The following FBXO9 variants were observed in gnomAD, a reference collection of about 807,000 sequenced individuals.
The protein encoded by FBXO9 is F-box protein 9.
FBXO9 carries 43 observed loss-of-function variants against 63.7 expected under a neutral mutation model. That is an observed-to-expected ratio of 0.67 (90% confidence interval 0.53 to 0.87). FBXO9 has a LOEUF of 0.87. Ranked by LOEUF, FBXO9 falls within the 40% of genes least tolerant of loss-of-function variation. The probability of loss-of-function intolerance (pLI) is 0.00; values close to 1 mark genes in which losing one functional copy is unlikely to be tolerated. For synonymous variants in FBXO9, 156 were observed against 171.7 expected (o/e 0.91, Z 0.72); for missense variants, 442 against 533.2 (o/e 0.83, Z 1.68).
At chr6:53,077,627 GATA>G (rs1036822655) in intron 4 of FBXO9, among the ~76,000 whole-genome samples, 1 of 152,074 alleles carries the variant, frequency 6.6e-6, no homozygotes, top group Non-Finnish European at 1.5e-5. Flanking sequence ...TGATAGTAAA[GATA>G]ATAATTGATG....
intron 3 of FBXO9, among the ~76,000 whole-genome samples, chr6:53,074,024 T>C (rs1353851911): frequency 6.6e-6 from 1 of 152,252 alleles, no homozygotes; most frequent in African/African-American, 2.4e-5. Context: ...CACATGTTAA[T>C]GTCTTTCCAG....
chr6:53,080,841 T>C, intron 5 of FBXO9, 127 bp from the exon 6 acceptor site: 1 of 920,006 alleles, frequency 1.1e-6, no homozygotes, highest in Non-Finnish European at 1.6e-6. Context: ...TTTAAAAATG[T>C]ATCACATGTT....
intron 3 of FBXO9, among the ~76,000 whole-genome samples, chr6:53,075,680 C>T (rs930861448): frequency 1.4e-5 from 2 of 147,344 alleles, no homozygotes; most frequent in Admixed American, 1.3e-4. Flanking sequence ...TATATATTCT[C>T]TCTCTGAAAT....
chr6:53,097,677 A>G, intron 12 of FBXO9, 45 bp from the exon 13 acceptor site: 1 of 1,152,900 alleles, frequency 8.7e-7, no homozygotes, highest in African/African-American at 1.5e-5. Context: ...TTTTAAATGA[A>G]TTGAAATTTC....
At chr6:53,078,680 A>G (rs558301096) in intron 4 of FBXO9, 119 bp from the exon 5 acceptor site, 1 of 690,032 alleles carries the variant, frequency 1.4e-6, no homozygotes, top group Non-Finnish European at 2.5e-6. Context: ...TTGCATGTAG[A>G]AAAACAGAAT....
chr6:53,095,793 T>C, intron 12 of FBXO9, 129 bp downstream of exon 12: 1 of 782,204 alleles, frequency 1.3e-6, no homozygotes, highest in Non-Finnish European at 1.9e-6. Flanking sequence ...CCAGTACTAC[T>C]ACAAACTACT....
At chr6:53,088,684 C>T (rs916650691) in intron 7 of FBXO9, among the ~76,000 whole-genome samples, 2 of 151,804 alleles carry the variant, frequency 1.3e-5, no homozygotes, top group African/African-American at 4.8e-5. Flanking sequence ...TTGCAACCTC[C>T]GCCTTGCGGG....
chr6:53,074,892 T>C (rs1769043763), intron 3 of FBXO9, among the ~76,000 whole-genome samples: 1 of 152,234 alleles, frequency 6.6e-6, no homozygotes, highest in Non-Finnish European at 1.5e-5. Flanking sequence ...AATATTTGGC[T>C]GTTATGAATG....
intron 10 of FBXO9, 43 bp from the exon 11 acceptor site, chr6:53,093,842 A>G: frequency 7.1e-7 from 1 of 1,407,268 alleles, no homozygotes; most frequent in Non-Finnish European, 9.7e-7. Flanking sequence ...ACTTAAATCC[A>G]CTTAATAACT....
chr6:53,072,456 C>T (rs1046928304), intron 2 of FBXO9, among the ~76,000 whole-genome samples: 1 of 152,150 alleles, frequency 6.6e-6, no homozygotes, highest in Admixed American at 6.5e-5. Flanking sequence ...GCTTAGCCAT[C>T]CTCGAGGGAG....
In FBXO9 at chr6:53,098,245, A is replaced by T. The variant is rs1257696871; in HGVS notation, c.*415A>T. Reference sequence around the variant, plus strand: ...ATGCATCAGGGGAGCGCTCCACTGGATAAGCATTTTATTTCCCGCATGGCA... The same window carrying T: ...ATGCATCAGGGGAGCGCTCCACTGGTTAAGCATTTTATTTCCCGCATGGCA... On this transcript the variant is annotated 3_prime_UTR_variant, in exon 13 of 13. Transcript: ENST00000323557. 1 of 283,106 alleles carries T rather than the reference A, an allele frequency of 3.5e-6. No individual in the cohort carries two copies. The highest frequency in any genetic ancestry group is 7.9e-6 in the Non-Finnish European group (1 of 127,278). 17.5% of individuals were successfully genotyped at this position (283,106 alleles called of 1,614,324 possible).
At chr6:53,078,763 T>C in intron 4 of FBXO9, 36 bp from the exon 5 acceptor site, 1 of 1,465,452 alleles carries the variant, frequency 6.8e-7, no homozygotes, top group Non-Finnish European at 9.5e-7. Context: ...CAAAAATGTG[T>C]GGTCACAGCT....
chr6:53,078,043 G>A (rs1041768358), intron 4 of FBXO9, among the ~76,000 whole-genome samples: 1 of 152,092 alleles, frequency 6.6e-6, no homozygotes, highest in Non-Finnish European at 1.5e-5. Flanking sequence ...AGGCAGCTGG[G>A]CTAAAAGAAG....
intron 1 of FBXO9, chr6:53,066,275 T>C: frequency 2.9e-6 from 1 of 342,100 alleles, no homozygotes. Context: ...GAGCCCTGGG[T>C]GTAGGACGCA....
chr6:53,066,209 G>A (rs1768693078), intron 1 of FBXO9: 2 of 952,744 alleles, frequency 2.1e-6, no homozygotes, highest in Non-Finnish European at 2.5e-6. Context: ...GACACTTGTT[G>A]ATTGCTCTTC....
In FBXO9 at chr6:53,098,125, C is replaced by T; in HGVS notation, c.*295C>T. 1 of 337,298 alleles carries T rather than the reference C, an allele frequency of 3.0e-6. No individual in the cohort carries two copies. The highest frequency in any genetic ancestry group is 1.0e-4 in the East Asian group (1 of 9,984). 20.9% of individuals were successfully genotyped at this position (337,298 alleles called of 1,614,324 possible). On this transcript the variant is annotated 3_prime_UTR_variant, in exon 13 of 13. Transcript: ENST00000323557. ...TAAGCATATTTATGTTGTGAGAAAC[C>T]TTAATATGAGGTTTATCATGCCCTT...
At chr6:53,067,365 A>G (rs569914215) in intron 1 of FBXO9, among the ~76,000 whole-genome samples, 1 of 152,354 alleles carries the variant, frequency 6.6e-6, no homozygotes, top group South Asian at 2.1e-4. Flanking sequence ...CCTTAAATCT[A>G]GTAAATGAAA....
intron 1 of FBXO9, among the ~76,000 whole-genome samples, chr6:53,068,432 G>T (rs1386119504): frequency 6.6e-6 from 1 of 152,080 alleles, no homozygotes; most frequent in African/African-American, 2.4e-5. Flanking sequence ...TTCCAGTCTA[G>T]CTTTATTCCA....
At chr6:53,076,055 T>A (rs1581811772) in intron 3 of FBXO9, among the ~76,000 whole-genome samples, 2 of 152,282 alleles carry the variant, frequency 1.3e-5, no homozygotes, top group African/African-American at 4.8e-5. Context: ...GATGCTAATA[T>A]TTTTGATGTT....
Sources: allele counts gnomAD v4.1 joint callset (sites outside exome capture counted in the v4.1 genomes callset), GRCh38; gene constraint gnomAD v4.1.1; transcripts MANE v1.5; gene names NCBI Gene and HGNC (gene_info 2026-07-23, HGNC 2026-07-21).